Variants in ZSCAN5B observed in about 807,000 individuals in gnomAD.
The protein encoded by ZSCAN5B is zinc finger and SCAN domain-containing protein 5B.
A neutral mutation model predicts 25.2 loss-of-function variants in ZSCAN5B; 26 were observed. The ratio of observed to expected loss-of-function variants is 1.03; its 90% CI spans 0.76 to 1.43. The LOEUF (loss-of-function observed/expected upper bound fraction) is 1.43. ZSCAN5B is among the 40% of genes most tolerant of loss of function. The pLI is 0.00. For synonymous variants in ZSCAN5B, 244 were observed against 240.9 expected, an observed-to-expected ratio of 1.01 and a Z score of -0.12; for missense variants, 745 against 622.1, an observed-to-expected ratio of 1.20 and a Z score of -2.10.
chr19:56,197,477 C>G (rs1308628372), intron 1 of ZSCAN5B, among the ~76,000 whole-genome samples: 1 of 152,190 alleles, frequency 6.6e-6, no homozygotes, highest in Non-Finnish European at 1.5e-5. Flanking sequence ...ATCCCGTGAT[C>G]TGCCCACCTC....
At chr19:56,190,072 C>T (rs779872877) in exon 5 of ZSCAN5B, 53 of 1,613,838 alleles carry the variant, frequency 3.3e-5, no homozygotes, top group Admixed American at 1.3e-4. Flanking sequence ...TTTTGGCAGA[C>T]GTCACACATG....
At position 56,192,683 on chromosome 19, in the gene ZSCAN5B, T is replaced by A; in HGVS notation, c.370A>T (p.Arg124Ter). 6.3e-7 allele frequency: 1 copy of A among 1,591,490 alleles called. No individual in the cohort carries two copies. Among genetic ancestry groups the A allele is most frequent in the African/African-American group, 1.3e-5 (1 of 74,412 alleles). The change falls in exon 2 of 5, where the codon AGA (arginine) becomes TGA (stop). Residue 124 changes from arginine to a stop codon, truncating the protein, a stop_gained. Coordinates refer to ENST00000586855, the Ensembl canonical transcript of ZSCAN5B. LOFTEE classifies it high-confidence loss of function. ...TTCCCACTCACCCATTTCTTGGGTC[T>A]TCTGTTATTTCGTAGCAGGTCCTCC...
At chr19:56,195,444 G>A (rs1051497325) in intron 1 of ZSCAN5B, among the ~76,000 whole-genome samples, 18 of 151,870 alleles carry the variant, frequency 1.2e-4, no homozygotes, top group African/African-American at 2.2e-4. Context: ...CACCCCTCAC[G>A]CCTGCTAGAG....
At chr19:56,190,862 T>C (rs2032722199) in exon 4 of ZSCAN5B, 3 of 1,614,152 alleles carry the variant, frequency 1.9e-6, no homozygotes, top group Non-Finnish European at 2.5e-6. Flanking sequence ...GCTGAGGCTC[T>C]GGGGATGACA....
chr19:56,195,096 A>G (rs917754342), intron 1 of ZSCAN5B, among the ~76,000 whole-genome samples: 3 of 152,202 alleles, frequency 2.0e-5, no homozygotes, highest in African/African-American at 4.8e-5. Context: ...GGAGGGTCTC[A>G]GGAAAGGTCA....
rs185510585 is a variant in ZSCAN5B, at chr19:56,191,749, T to A, written c.588+101A>T. On this transcript the variant is annotated intron_variant, in intron 3 of 4. Transcript: ENST00000586855. ...TCATGTCCATGGGGAATGGCTCTAA[T>A]CTTGTCCTGTGCCAAATCTCTCAAT... is the stretch of plus-strand genomic sequence containing the variant. 5,525 of 1,237,998 alleles carry A rather than the reference T, an allele frequency of 4.5e-3. 19 individuals carry two copies. The highest frequency in any genetic ancestry group is 5.7e-3 in the Non-Finnish European group (4,968 of 879,124). 76.7% of individuals were successfully genotyped at this position (1,237,998 alleles called of 1,614,324 possible). A position where few individuals can be genotyped will look rare whatever the true frequency, so the allele number is the denominator to read the frequency against.
chr19:56,193,138 C>T, exon 2 of ZSCAN5B: 4 of 1,381,694 alleles, frequency 2.9e-6, no homozygotes, highest in Non-Finnish European at 2.9e-6. Context: ...ACAGGCTGCC[C>T]CTGTTTCTTC....
intron 3 of ZSCAN5B, among the ~76,000 whole-genome samples, chr19:56,191,619 T>C (rs968945464): frequency 2.7e-5 from 4 of 150,466 alleles, no homozygotes; most frequent in African/African-American, 9.8e-5. Context: ...AGACCATTTC[T>C]TACCCACCCC....
intron 1 of ZSCAN5B, among the ~76,000 whole-genome samples, chr19:56,197,312 A>G (rs1382019699): frequency 1.3e-5 from 2 of 151,464 alleles, no homozygotes; most frequent in Non-Finnish European, 2.9e-5. Context: ...AGCGGGTATT[A>G]CCCTAACCTC....
At chr19:56,196,590 C>T (rs993657685) in intron 1 of ZSCAN5B, among the ~76,000 whole-genome samples, 6 of 152,004 alleles carry the variant, frequency 3.9e-5, no homozygotes, top group African/African-American at 1.5e-4. Flanking sequence ...GACATATACA[C>T]CATTATATAT....
At chr19:56,195,504 G>T (rs1327613779) in intron 1 of ZSCAN5B, among the ~76,000 whole-genome samples, 1 of 151,672 alleles carries the variant, frequency 6.6e-6, no homozygotes, top group Admixed American at 6.6e-5. Context: ...AGGATTCGGG[G>T]GAAAGGGGTC....
At position 56,190,386 on chromosome 19, in the gene ZSCAN5B, T is replaced by C. The variant is rs376623371; in HGVS notation, c.929A>G (p.Glu310Gly). 57 of 1,613,996 alleles carry C rather than the reference T, an allele frequency of 3.5e-5. No homozygotes were observed. The African/African-American group carries it at 7.5e-4, about 21-fold the overall frequency. Residue 310 changes from glutamate to glycine, a missense_variant, in exon 5 of 5, where the codon GAG becomes GGG. Transcript: ENST00000586855. Reference sequence around the variant, plus strand: ...CACAGGTGTGGCTTCTCCTTGAGGCTCTTCTTGGGAAATGGAGGAGGCATC... The same window carrying C: ...CACAGGTGTGGCTTCTCCTTGAGGCCCTTCTTGGGAAATGGAGGAGGCATC...
chr19:56,196,203 C>T (rs1422623909), intron 1 of ZSCAN5B, among the ~76,000 whole-genome samples: 2 of 152,018 alleles, frequency 1.3e-5, no homozygotes, highest in Non-Finnish European at 2.9e-5. Flanking sequence ...AGGCGTGAGC[C>T]ACCCCTCTCG....
At chr19:56,194,925 T>A (rs1282435002) in intron 1 of ZSCAN5B, among the ~76,000 whole-genome samples, 1 of 152,144 alleles carries the variant, frequency 6.6e-6, no homozygotes, top group Non-Finnish European at 1.5e-5. Context: ...CTTTTTAAAT[T>A]TGGTTCTAAA....
At chr19:56,192,973 G>T (rs776907331) in exon 2 of ZSCAN5B, 5 of 1,609,656 alleles carry the variant, frequency 3.1e-6, no homozygotes, top group African/African-American at 2.7e-5. Flanking sequence ...TTCTGGGGAC[G>T]CCACAGACCG....
At chr19:56,197,823 C>A (rs1318725468) in exon 1 of ZSCAN5B, 1 of 985,214 alleles carries the variant, frequency 1.0e-6, no homozygotes, top group Admixed American at 6.2e-5. Flanking sequence ...TATGGAGAAG[C>A]GGGACTCCAG....
chr19:56,192,944 C>G (rs1305781238), exon 2 of ZSCAN5B: 1 of 1,613,474 alleles, frequency 6.2e-7, no homozygotes, highest in Non-Finnish European at 8.5e-7. Flanking sequence ...GGGTTCCTGT[C>G]GTGATTTCCA....
chr19:56,194,060 C>G (rs1355022952), intron 1 of ZSCAN5B, among the ~76,000 whole-genome samples: 1 of 151,942 alleles, frequency 6.6e-6, no homozygotes, highest in African/African-American at 2.4e-5. Flanking sequence ...TTACTAAGAA[C>G]ATGCGCTATG....
At chr19:56,190,681 C>A (rs1324894853) in intron 4 of ZSCAN5B, 106 bp from the exon 5 acceptor site, 56 of 1,551,168 alleles carry the variant, frequency 3.6e-5, no homozygotes, top group Non-Finnish European at 4.7e-5. Flanking sequence ...TTCCCCTCAA[C>A]CTCAAGCCTA....
Sources: allele counts gnomAD v4.1 joint callset (sites outside exome capture counted in the v4.1 genomes callset), GRCh38; gene constraint gnomAD v4.1.1; transcripts MANE v1.5; gene names NCBI Gene and HGNC (gene_info 2026-07-23, HGNC 2026-07-21).